Variants in IL18R1 observed in about 807,000 individuals in gnomAD.
IL18R1 encodes the protein interleukin-18 receptor 1.
A neutral mutation model predicts 48.5 loss-of-function variants in IL18R1; 40 were observed. The observed-to-expected ratio is 0.82, with a 90% CI of 0.64 to 1.07. The LOEUF is 1.07. Ranked by LOEUF, IL18R1 falls within the 50% of genes least tolerant of loss-of-function variation. The pLI, the probability that IL18R1 is intolerant of heterozygous loss-of-function variation, is 0.00. For synonymous variants in IL18R1, 232 were observed against 225.9 expected, an observed-to-expected ratio of 1.03 and a Z score of -0.24; for missense variants, 596 against 633.7, an observed-to-expected ratio of 0.94 and a Z score of 0.64.
At chr2:102,358,654 G>A (rs1160077934) in intron 1 of IL18R1, among the ~76,000 whole-genome samples, 2 of 152,112 alleles carry the variant, frequency 1.3e-5, no homozygotes, top group Non-Finnish European at 2.9e-5. Flanking sequence ...AGTCACCTGC[G>A]GAGTTCTGAG....
intron 3 of IL18R1, among the ~76,000 whole-genome samples, chr2:102,368,427 G>T (rs1679040283): frequency 6.6e-6 from 1 of 152,214 alleles, no homozygotes; most frequent in Non-Finnish European, 1.5e-5. Context: ...ATATTAATGT[G>T]TTGCGAATGG....
At chr2:102,371,025 T>G (rs7582710) in intron 3 of IL18R1, among the ~76,000 whole-genome samples, 2,902 of 135,072 alleles carry the variant, frequency 0.021, 97 homozygotes, top group African/African-American at 0.075. Flanking sequence ...ACTGTATTGT[T>G]TTCCAATTCC....
intron 5 of IL18R1, among the ~76,000 whole-genome samples, chr2:102,378,709 C>G (rs1344596517): frequency 4.6e-5 from 7 of 152,230 alleles, no homozygotes; most frequent in Admixed American, 1.3e-4. Context: ...TGGATACCTA[C>G]AATTGGCACT....
intron 4 of IL18R1, among the ~76,000 whole-genome samples, chr2:102,372,540 AT>A (rs1277814104): frequency 6.6e-6 from 1 of 152,192 alleles, no homozygotes; most frequent in African/African-American, 2.4e-5. Context: ...CTTTTATAAT[AT>A]TTTAACTTTA....
chr2:102,387,237 G>A (rs569602628), intron 8 of IL18R1, among the ~76,000 whole-genome samples: 12 of 152,256 alleles, frequency 7.9e-5, no homozygotes, highest in East Asian at 1.9e-4. Flanking sequence ...TGTGGAAATC[G>A]GGGGGCCTGA....
intron 1 of IL18R1, among the ~76,000 whole-genome samples, chr2:102,359,609 A>G (rs920206955): frequency 6.6e-6 from 1 of 152,232 alleles, no homozygotes; most frequent in Non-Finnish European, 1.5e-5. Context: ...AAACAATGAG[A>G]TACCATTTTT....
intron 4 of IL18R1, among the ~76,000 whole-genome samples, chr2:102,372,375 C>G (rs919155744): frequency 5.9e-5 from 9 of 152,192 alleles, no homozygotes; most frequent in African/African-American, 2.2e-4. Flanking sequence ...CCACACTCTT[C>G]CTTCATTTTC....
intron 5 of IL18R1, among the ~76,000 whole-genome samples, chr2:102,380,864 G>A (rs1017080877): frequency 1.3e-5 from 2 of 152,222 alleles, no homozygotes; most frequent in Non-Finnish European, 2.9e-5. Context: ...CATGAGGAAA[G>A]TTACCAATGA....
chr2:102,374,642 G>T (rs549409641), intron 4 of IL18R1, among the ~76,000 whole-genome samples: 1 of 152,080 alleles, frequency 6.6e-6, no homozygotes, highest in African/African-American at 2.4e-5. Context: ...GCTGGGTGTG[G>T]TGGCACATGC....
Position 102,392,555 on chromosome 2 carries a change from C to T in IL18R1, c.1112-1914C>T, listed in dbSNP as rs544509315. Among the ~76,000 whole-genome samples, 11 of 152,008 alleles carry T rather than the reference C, an allele frequency of 7.2e-5. No homozygotes were observed. The South Asian group carries it at 1.0e-3, about 14-fold the overall frequency. ...ATGGTCCATGAACAAATGCAGTCCA[C>T]GAAAAGGACAGAAATGGAGATATAA... is the stretch of plus-strand genomic sequence containing the variant. On this transcript the variant is annotated intron_variant, in intron 9 of 10. Transcript: ENST00000233957.
intron 2 of IL18R1, among the ~76,000 whole-genome samples, chr2:102,366,976 A>G (rs1481580294): frequency 1.3e-5 from 2 of 152,222 alleles, no homozygotes; most frequent in Admixed American, 1.3e-4. Context: ...CCATGTCCTA[A>G]GGGAAATGTT....
chr2:102,396,643 T>C lies in IL18R1; in HGVS notation c.1383T>C (p.His461=). The change falls in exon 11 of 11, where the codon CAT becomes CAC. Residue 461 remains histidine (H), a synonymous_variant. Coordinates refer to ENST00000233957, the MANE Select transcript of IL18R1 (RefSeq NM_003855.5). The part of the protein sequence containing the change: ...EVRYELESGL[H]EALVERKIKI... The stretch of plus-strand genomic sequence containing the variant: ...GGTATGAACTTGAAAGTGGACTCCA[T>C]GAAGCATTGGTGGAAAGAAAAATTA... 1 of 1,613,092 alleles carries C rather than the reference T, an allele frequency of 6.2e-7. No individual in the cohort carries two copies.
chr2:102,382,822 C>CTGTCTT (rs1444886669), intron 6 of IL18R1, among the ~76,000 whole-genome samples: 2 of 152,068 alleles, frequency 1.3e-5, no homozygotes, highest in Admixed American at 1.3e-4. Context: ...TTATTTATTT[C>CTGTCTT]TGTCTTTGTC....
At chr2:102,383,876 C>T (rs1680061719) in intron 6 of IL18R1, among the ~76,000 whole-genome samples, 1 of 151,894 alleles carries the variant, frequency 6.6e-6, no homozygotes, top group Non-Finnish European at 1.5e-5. Flanking sequence ...TTATCTTTTC[C>T]TCTATTTTCT....
chr2:102,384,875 C>T lies in IL18R1; in HGVS notation c.689-3C>T, dbSNP rs1233454189. The T allele has an allele frequency of 1.9e-6, 3 of 1,604,144 alleles. No homozygotes were observed. The highest frequency in any genetic ancestry group is 1.7e-5 in the Admixed American group (1 of 58,156). On this transcript the variant is annotated splice_region_variant and splice_polypyrimidine_tract_variant and intron_variant, in intron 6 of 10. Transcript: ENST00000233957. ...CAGAACTTTAGTTGCCAACTTTTACCAGGAAAAAACGTAAGGCTCAACTGC... is the reference window on the plus strand; with the variant it reads ...CAGAACTTTAGTTGCCAACTTTTACTAGGAAAAAACGTAAGGCTCAACTGC...
chr2:102,363,420 C>T (rs747786230), intron 2 of IL18R1, among the ~76,000 whole-genome samples: 3 of 152,130 alleles, frequency 2.0e-5, no homozygotes, highest in Non-Finnish European at 4.4e-5. Flanking sequence ...TTTCAAATAA[C>T]ACAGGTCCAA....
chr2:102,385,023 A>G (rs764852813), intron 7 of IL18R1, 25 bp downstream of exon 7: 16 of 1,261,460 alleles, frequency 1.3e-5, no homozygotes, highest in Non-Finnish European at 1.8e-5. Context: ...TATATATGTC[A>G]TGATATATAC....
In IL18R1 at chr2:102,367,806, C is replaced by T; in HGVS notation, c.59-19C>T. 1.9e-6 allele frequency: 3 copies of T among 1,593,068 alleles called. No homozygotes were observed. Among genetic ancestry groups the T allele is most frequent in the Non-Finnish European group, 2.6e-6 (3 of 1,166,642 alleles). On this transcript the variant is annotated intron_variant, in intron 2 of 10. Transcript: ENST00000233957. Reference sequence around the variant, plus strand: ...TTGGTTTTTGTTTTTATTTATTTTACTTTACTAATCTTTTGAAGAATCTTG... The same window carrying T: ...TTGGTTTTTGTTTTTATTTATTTTATTTTACTAATCTTTTGAAGAATCTTG...
chr2:102,358,011 A>G (rs1678354260), intron 1 of IL18R1, among the ~76,000 whole-genome samples: 1 of 152,172 alleles, frequency 6.6e-6, no homozygotes, highest in Admixed American at 6.5e-5. Flanking sequence ...ATATTAAAAA[A>G]AAACTGGTGT....
Sources: gnomAD v4.1 joint callset for allele counts (sites outside exome capture counted in the v4.1 genomes callset) on GRCh38, gnomAD v4.1.1 for gene constraint, MANE v1.5 for transcripts, NCBI Gene and HGNC (gene_info 2026-07-23, HGNC 2026-07-21) for gene names.